The following C11orf65 variants were observed in gnomAD, a reference collection of about 807,000 sequenced individuals.
The protein encoded by C11orf65 is protein MFI.
C11orf65 carries 38 observed loss-of-function variants against 35.3 expected under a neutral mutation model. The observed-to-expected ratio is 1.08, with a 90% CI of 0.83 to 1.41. C11orf65 has a LOEUF of 1.41. Among genes scored for constraint, C11orf65 ranks in the 40% most tolerant of loss-of-function variants. The pLI is 0.00. For synonymous variants in C11orf65, 105 were observed against 114.4 expected (o/e 0.92, Z 0.53); for missense variants, 370 against 367.1 (o/e 1.01, Z -0.06).
At chr11:108,374,037 TGGAGCCCACCACAGCTCAA>T (rs2091646622) in intron 2 of C11orf65, among the ~76,000 whole-genome samples, 1 of 152,196 alleles carries the variant, frequency 6.6e-6, no homozygotes, top group African/African-American at 2.4e-5. Flanking sequence ...TCCAACTGGG[TGGAGCCCACCACAGCTCAA>T]GGAGGCCTGC....
chr11:108,411,141 T>A (rs1565663108), intron 3 of C11orf65, among the ~76,000 whole-genome samples: 1 of 152,212 alleles, frequency 6.6e-6, no homozygotes, highest in Admixed American at 6.5e-5. Flanking sequence ...CTGTCTGAGC[T>A]CTACTTTAGA....
At chr11:108,335,398 GTC>G (rs2086729471) in intron 2 of C11orf65, 2 of 803,588 alleles carry the variant, frequency 2.5e-6, no homozygotes, top group South Asian at 3.5e-5. Flanking sequence ...ATACTTTGGT[GTC>G]TGTCTCTTAT....
chr11:108,311,600 A>T (rs936355735), intron 6 of C11orf65, among the ~76,000 whole-genome samples: 6 of 152,050 alleles, frequency 3.9e-5, no homozygotes, highest in Non-Finnish European at 8.8e-5. Context: ...CAGGAGGCTG[A>T]GGGAGGAGGA....
chr11:108,331,818 GA>G (rs1169011675), intron 3 of C11orf65: 1 of 1,565,528 alleles, frequency 6.4e-7, no homozygotes, highest in African/African-American at 1.4e-5. Flanking sequence ...TAAGCAAAAT[GA>G]AAAATATGGA....
intron 2 of C11orf65, among the ~76,000 whole-genome samples, chr11:108,370,042 A>C (rs897434839): frequency 6.6e-6 from 1 of 152,024 alleles, no homozygotes; most frequent in Admixed American, 6.5e-5. Flanking sequence ...TTTTTGGTTG[A>C]CAGACATTTT....
chr11:108,405,232 G>A (rs142755267), intron 6 of C11orf65, among the ~76,000 whole-genome samples, 197 bp downstream of exon 6: 92 of 152,266 alleles, frequency 6.0e-4, no homozygotes, highest in African/African-American at 2.1e-3. Context: ...GTGTGTAGGC[G>A]GTTGGACACT....
chr11:108,418,434 G>A (rs981653471), intron 3 of C11orf65, among the ~76,000 whole-genome samples: 1 of 151,994 alleles, frequency 6.6e-6, no homozygotes, highest in African/African-American at 2.4e-5. Context: ...CTGAAATAAA[G>A]TAGAAATTTT....
At chr11:108,465,307 CCAAA>C (rs1211979015) in intron 1 of C11orf65, among the ~76,000 whole-genome samples, 3 of 151,938 alleles carry the variant, frequency 2.0e-5, no homozygotes, top group Non-Finnish European at 4.4e-5. Context: ...TTAGAAGCTG[CCAAA>C]AAAGTATGTC....
At chr11:108,324,599 G>GT (rs1264381435) in intron 6 of C11orf65, among the ~76,000 whole-genome samples, 2 of 152,052 alleles carry the variant, frequency 1.3e-5, no homozygotes, top group African/African-American at 2.4e-5. Context: ...TAGCATTTTT[G>GT]TTACTGTTCC....
chr11:108,416,910 G>C (rs1187396188), intron 3 of C11orf65, among the ~76,000 whole-genome samples: 1 of 152,142 alleles, frequency 6.6e-6, no homozygotes, highest in Non-Finnish European at 1.5e-5. Flanking sequence ...ACAACAGCAA[G>C]AATATAAGTC....
At chr11:108,441,784 C>A (rs1182784437) in intron 2 of C11orf65, among the ~76,000 whole-genome samples, 1 of 152,200 alleles carries the variant, frequency 6.6e-6, no homozygotes, top group Non-Finnish European at 1.5e-5. Context: ...AACTAACAAA[C>A]AGAAAGGACA....
At chr11:108,327,647 C>A, downstream of C11orf65, 1 of 1,613,128 alleles carries the variant, frequency 6.2e-7, no homozygotes, top group Non-Finnish European at 8.5e-7. Context: ...TTATACAGAA[C>A]AATCCCAGCC....
intron 2 of C11orf65, among the ~76,000 whole-genome samples, chr11:108,434,235 T>C (rs976705599): frequency 1.3e-5 from 2 of 152,116 alleles, no homozygotes; most frequent in Non-Finnish European, 2.9e-5. Context: ...CTGGGTGTGG[T>C]GGCTCATAGC....
chr11:108,431,853 A>C lies in C11orf65; in HGVS notation c.82-15T>G, dbSNP rs377278523. 65 of 1,408,368 alleles carry C rather than the reference A, an allele frequency of 4.6e-5. No homozygotes were observed. Among genetic ancestry groups the C allele is most frequent in the Non-Finnish European group, 6.3e-5 (65 of 1,039,178 alleles). The allele number at this position is 1,408,368 out of a possible 1,614,324, so 87.2% of individuals were successfully genotyped here. ...ATAGCGACATTCTAAAGGTTCAAACACAAGATTTCATGATCAAAACTGGAT... is the reference window on the plus strand; with the variant it reads ...ATAGCGACATTCTAAAGGTTCAAACCCAAGATTTCATGATCAAAACTGGAT... On this transcript the variant is annotated splice_polypyrimidine_tract_variant and intron_variant, in intron 2 of 8. Transcript: ENST00000393084.
intron 2 of C11orf65, among the ~76,000 whole-genome samples, chr11:108,341,588 G>A (rs2087587577): frequency 6.6e-6 from 1 of 152,044 alleles, no homozygotes; most frequent in Admixed American, 6.6e-5. Context: ...TTCAACATAT[G>A]TGAGAAACTT....
At chr11:108,465,526 T>C (rs1351781351) in intron 1 of C11orf65, among the ~76,000 whole-genome samples, 2 of 152,150 alleles carry the variant, frequency 1.3e-5, no homozygotes, top group Non-Finnish European at 2.9e-5. Context: ...CACTAGTGAC[T>C]GTACAGGCAC....
rs761029795 is a variant in C11orf65 at position 108,335,126 on chromosome 11, C to G, written c.299+94G>C. The stretch of plus-strand genomic sequence containing the variant: ...CTTGTTAAGGTGAGCCTTCCCTTCT[C>G]TGGCTTAGCCCTTAGAGTTTTAGTG... On this transcript the variant is annotated intron_variant, in intron 3 of 3. Coordinates refer to the C11orf65 transcript ENST00000524755. 5 of 1,613,958 alleles carry G rather than the reference C, an allele frequency of 3.1e-6. No individual in the cohort carries two copies. In the Admixed American group the frequency reaches 5.0e-5, roughly 16 times the overall value.
rs1057522992 is a variant in C11orf65, at chr11:108,315,917, T to A, written c.641-6846A>T. The A allele has an allele frequency of 6.2e-7, 1 of 1,610,508 alleles. No individual in the cohort carries two copies. Among genetic ancestry groups the A allele is most frequent in the Non-Finnish European group, 8.5e-7 (1 of 1,176,714 alleles). On this transcript the variant is annotated intron_variant, in intron 6 of 6. Transcript: ENST00000525729. ...ATGTTACAACCCATTACTAGGTAAA[T>A]TGCATTTTTCTAAACAACGGTATAG... is the stretch of plus-strand genomic sequence containing the variant.
chr11:108,322,952 T>G (rs2085341162), intron 6 of C11orf65, among the ~76,000 whole-genome samples: 1 of 151,930 alleles, frequency 6.6e-6, no homozygotes, highest in South Asian at 2.1e-4. Flanking sequence ...AGTAAAGTGT[T>G]TTGGGTCCTC....
Sources: gnomAD v4.1 joint callset for allele counts (sites outside exome capture counted in the v4.1 genomes callset) on GRCh38, gnomAD v4.1.1 for gene constraint, MANE v1.5 for transcripts, NCBI Gene and HGNC (gene_info 2026-07-23, HGNC 2026-07-21) for gene names.